TYW1B: variants seen among roughly 807,000 people sequenced by gnomAD.
The protein encoded by TYW1B is S-adenosyl-L-methionine-dependent tRNA 4-demethylwyosine synthase TYW1B.
TYW1B carries 73 observed loss-of-function variants against 86.9 expected under a neutral mutation model. That is an observed-to-expected ratio of 0.84 (90% confidence interval 0.70 to 1.02). The LOEUF (loss-of-function observed/expected upper bound fraction) is 1.02. Among genes scored for constraint, TYW1B ranks in the 50% least tolerant of loss-of-function variants. The probability of loss-of-function intolerance (pLI) is 0.00; values close to 1 mark genes in which losing one functional copy is unlikely to be tolerated. For missense variants in TYW1B, 637 were observed against 827.4 expected (o/e 0.77, Z 2.82); for synonymous variants, 248 against 292.8 (o/e 0.85, Z 1.56).
Position 72,671,611 on chromosome 7 carries a change from T to G in TYW1B, c.1506+23076A>C, listed in dbSNP as rs551116316. On this transcript the variant is annotated intron_variant, in intron 11 of 13. Transcript: ENST00000620995. ...CAGGTGTATGAGAGTACTTACTTCT[T>G]CACTAATATTTTTATCTATATTTAA... Among the ~76,000 whole-genome samples, 90 of 152,186 alleles carry G rather than the reference T, an allele frequency of 5.9e-4. 2 individuals are homozygous for G. The highest frequency in any genetic ancestry group is 8.8e-5 in the Non-Finnish European group (6 of 68,034).
chr7:72,663,355 T>C (rs1455569767), intron 11 of TYW1B, among the ~76,000 whole-genome samples: 1 of 152,188 alleles, frequency 6.6e-6, no homozygotes, highest in African/African-American at 2.4e-5. Context: ...AAAGCAATGG[T>C]TATTTTTTAA....
intron 7 of TYW1B, among the ~76,000 whole-genome samples, chr7:72,767,090 G>A (rs1787783496): frequency 6.6e-6 from 1 of 151,994 alleles, no homozygotes; most frequent in African/African-American, 2.4e-5. Context: ...GAGTTATCTT[G>A]TGTGCCTGAA....
chr7:72,803,489 T>C (rs1472715303), intron 5 of TYW1B, among the ~76,000 whole-genome samples: 1 of 152,190 alleles, frequency 6.6e-6, no homozygotes, highest in African/African-American at 2.4e-5. Flanking sequence ...TGTAGACAGG[T>C]TCAACATCAT....
chr7:72,784,846 C>G (rs1258382085), intron 6 of TYW1B, among the ~76,000 whole-genome samples: 2 of 151,980 alleles, frequency 1.3e-5, no homozygotes, highest in African/African-American at 2.4e-5. Context: ...CCCCACACCC[C>G]CTAACCCATT....
intron 13 of TYW1B, among the ~76,000 whole-genome samples, chr7:72,615,683 C>G (rs1424975096): frequency 6.6e-6 from 1 of 152,046 alleles, no homozygotes; most frequent in Non-Finnish European, 1.5e-5. Flanking sequence ...ACTTCCAGTA[C>G]TCAAGAAGAT....
At chr7:72,739,258 C>T (rs34524970) in intron 8 of TYW1B, among the ~76,000 whole-genome samples, 1 of 152,028 alleles carries the variant, frequency 6.6e-6, no homozygotes, top group Non-Finnish European at 1.5e-5. Context: ...GTTTAATATA[C>T]TATTCTCTCT....
At chr7:72,717,905 G>A (rs1448066981) in intron 9 of TYW1B, among the ~76,000 whole-genome samples, 1 of 152,102 alleles carries the variant, frequency 6.6e-6, no homozygotes, top group African/African-American at 2.4e-5. Context: ...AACCTCTATA[G>A]AGAGATTTCT....
chr7:72,684,432 T>C (rs1317301612), intron 11 of TYW1B, among the ~76,000 whole-genome samples: 2 of 152,060 alleles, frequency 1.3e-5, no homozygotes, highest in Non-Finnish European at 2.9e-5. Context: ...AATATTTAAG[T>C]ACTGAAAGAA....
At chr7:72,713,337 C>T (rs1235857309) in intron 10 of TYW1B, among the ~76,000 whole-genome samples, 2 of 147,768 alleles carry the variant, frequency 1.4e-5, no homozygotes, top group South Asian at 2.2e-4. Flanking sequence ...CAAATGACAG[C>T]TTCTCTGGTA....
chr7:72,742,267 C>T (rs575708901), intron 8 of TYW1B, among the ~76,000 whole-genome samples: 84 of 152,222 alleles, frequency 5.5e-4, no homozygotes, highest in African/African-American at 1.9e-3. Context: ...GTAGCTGGGA[C>T]CTCAGACATG....
chr7:72,758,128 G>A (rs536904095), intron 7 of TYW1B, among the ~76,000 whole-genome samples: 1 of 152,254 alleles, frequency 6.6e-6, no homozygotes, highest in East Asian at 1.9e-4. Context: ...GCCGAGGCAG[G>A]AGAATCCCTT....
chr7:72,811,484 T>C (rs1421133718), intron 3 of TYW1B, among the ~76,000 whole-genome samples: 1 of 151,908 alleles, frequency 6.6e-6, no homozygotes, highest in Non-Finnish European at 1.5e-5. Context: ...TGTGGTGACC[T>C]TGCTTATCCA....
intron 10 of TYW1B, among the ~76,000 whole-genome samples, chr7:72,697,307 A>T (rs1227989750): frequency 3.7e-4 from 56 of 152,098 alleles, no homozygotes; most frequent in African/African-American, 1.3e-3. Context: ...GATGTCTGAG[A>T]TGCTACACCC....
At chr7:72,630,337 T>C (rs1287118335) in intron 11 of TYW1B, among the ~76,000 whole-genome samples, 3 of 152,058 alleles carry the variant, frequency 2.0e-5, no homozygotes, top group Non-Finnish European at 4.4e-5. Flanking sequence ...ACCCCTTGAG[T>C]AGGTGCAGGA....
chr7:72,777,108 A>G (rs1220705587), intron 7 of TYW1B, among the ~76,000 whole-genome samples: 1 of 152,132 alleles, frequency 6.6e-6, no homozygotes, highest in Non-Finnish European at 1.5e-5. Context: ...AACACTTCTA[A>G]TTAACCCAGT....
intron 9 of TYW1B, among the ~76,000 whole-genome samples, chr7:72,715,501 A>C (rs1365355311): frequency 6.6e-6 from 1 of 152,116 alleles, no homozygotes; most frequent in Non-Finnish European, 1.5e-5. Context: ...AATGTGAAAG[A>C]CTCGGAAAGA....
intron 10 of TYW1B, among the ~76,000 whole-genome samples, chr7:72,712,414 C>T (rs577542075): frequency 4.6e-5 from 7 of 152,198 alleles, no homozygotes; most frequent in South Asian, 4.2e-4. Flanking sequence ...CCGAAACCTC[C>T]GCCTCCCGGG....
chr7:72,705,126 G>A (rs2129570544), intron 10 of TYW1B, among the ~76,000 whole-genome samples: 1 of 152,276 alleles, frequency 6.6e-6, no homozygotes, highest in Admixed American at 6.5e-5. Flanking sequence ...TCTATTGAAA[G>A]AATCAGGCAG....
At chr7:72,586,701 C>T (rs1811285774) in intron 13 of TYW1B, among the ~76,000 whole-genome samples, 1 of 151,990 alleles carries the variant, frequency 6.6e-6, no homozygotes, top group African/African-American at 2.4e-5. Context: ...CGTGCCACTG[C>T]ATTCCAGCAT....
Sources: allele counts gnomAD v4.1 joint callset (sites outside exome capture counted in the v4.1 genomes callset), GRCh38; gene constraint gnomAD v4.1.1; transcripts MANE v1.5; gene names NCBI Gene and HGNC (gene_info 2026-07-23, HGNC 2026-07-21).